Variants in TENM2 observed in about 807,000 individuals in gnomAD.
The protein encoded by TENM2 is teneurin transmembrane protein 2.
TENM2 carries 52 observed loss-of-function variants against 245.2 expected under a neutral mutation model. The ratio of observed to expected loss-of-function variants is 0.21; its 90% CI spans 0.17 to 0.27. The LOEUF is 0.27. TENM2 is among the 10% of genes least tolerant of loss of function. The probability of loss-of-function intolerance (pLI) is 1.00; values close to 1 mark genes in which losing one functional copy is unlikely to be tolerated. For missense variants in TENM2, 3,046 were observed against 3,666.8 expected, an observed-to-expected ratio of 0.83 and a Z score of 4.37; for synonymous variants, 1,363 against 1,438.9, an observed-to-expected ratio of 0.95 and a Z score of 1.19.
chr5:167,463,820 G>A (rs984585417), intron 2 of TENM2, among the ~76,000 whole-genome samples: 2 of 152,176 alleles, frequency 1.3e-5, no homozygotes, highest in Admixed American at 1.3e-4. Flanking sequence ...TTATACATGG[G>A]ATATTAGTTT....
At chr5:167,778,833 A>G (rs1561771750) in intron 2 of TENM2, among the ~76,000 whole-genome samples, 1 of 152,224 alleles carries the variant, frequency 6.6e-6, no homozygotes, top group Non-Finnish European at 1.5e-5. Flanking sequence ...GTGTGACTGC[A>G]CAAGATTTAG....
chr5:167,770,230 G>C (rs1561761316), intron 2 of TENM2, among the ~76,000 whole-genome samples: 1 of 152,168 alleles, frequency 6.6e-6, no homozygotes, highest in Non-Finnish European at 1.5e-5. Context: ...ATGTAGTCGT[G>C]GGAATCAATT....
intron 12 of TENM2, among the ~76,000 whole-genome samples, chr5:168,139,066 A>G (rs368859900): frequency 2.1e-4 from 32 of 152,344 alleles, no homozygotes; most frequent in African/African-American, 7.7e-4. Context: ...TCCTTGCTCA[A>G]GCTTCCCAAG....
chr5:167,593,735 T>C (rs1408506990), intron 2 of TENM2, among the ~76,000 whole-genome samples: 1 of 152,244 alleles, frequency 6.6e-6, no homozygotes, highest in Non-Finnish European at 1.5e-5. Flanking sequence ...TTAATAGAAA[T>C]ACTCCTGAAA....
rs147410951 is a variant in TENM2, at chr5:167,393,100, C to T, written c.502+17627C>T. Among the ~76,000 whole-genome samples the T allele has an allele frequency of 2.6e-3, 381 of 144,408 alleles. 2 individuals carry two copies. The highest frequency in any genetic ancestry group is 9.0e-3 in the African/African-American group (348 of 38,742). 94.7% of individuals were successfully genotyped at this position (144,408 alleles called of 152,430 possible). ...TCATGCTACTGCACTCCAGCATGGGCGACAGAGCAAGACTCCATCTCGGGG... is the reference window on the plus strand; with the variant it reads ...TCATGCTACTGCACTCCAGCATGGGTGACAGAGCAAGACTCCATCTCGGGG... On this transcript the variant is annotated intron_variant, in intron 2 of 28. Transcript: ENST00000518659.
At chr5:167,921,036 T>G (rs1777328208) in intron 3 of TENM2, among the ~76,000 whole-genome samples, 1 of 152,236 alleles carries the variant, frequency 6.6e-6, no homozygotes, top group Non-Finnish European at 1.5e-5. Flanking sequence ...ATGAAATTAC[T>G]GCAAATCTCA....
intron 2 of TENM2, among the ~76,000 whole-genome samples, chr5:167,386,309 A>G (rs181464592): frequency 6.6e-6 from 1 of 152,172 alleles, no homozygotes; most frequent in Non-Finnish European, 1.5e-5. Flanking sequence ...CCATTTGTAT[A>G]TCTTCTTTTG....
At chr5:168,105,805 G>A (rs991508472) in intron 9 of TENM2, among the ~76,000 whole-genome samples, 2 of 152,008 alleles carry the variant, frequency 1.3e-5, no homozygotes, top group South Asian at 2.1e-4. Flanking sequence ...TTTATTCTAC[G>A]GTTTTTTGTT....
intron 2 of TENM2, among the ~76,000 whole-genome samples, chr5:167,842,190 T>C (rs1479609421): frequency 6.6e-6 from 1 of 152,058 alleles, no homozygotes; most frequent in Non-Finnish European, 1.5e-5. Flanking sequence ...TTCGGCCTCA[T>C]GGACACTAGA....
At chr5:167,880,195 G>T (rs1022980455) in intron 3 of TENM2, among the ~76,000 whole-genome samples, 2 of 151,988 alleles carry the variant, frequency 1.3e-5, no homozygotes, top group Non-Finnish European at 2.9e-5. Flanking sequence ...ACCATACTTG[G>T]CTAATTTTTG....
the TENM2 span, among the ~76,000 whole-genome samples, chr5:167,212,052 A>G: frequency 4.6e-3 from 708 of 152,304 alleles, 7 homozygotes; most frequent in African/African-American, 0.015. Context: ...TCATAGTTTC[A>G]GACATTGGTG....
At chr5:168,253,227 AAAGTGC>A (rs1767293807) in intron 27 of TENM2, among the ~76,000 whole-genome samples, 1 of 151,966 alleles carries the variant, frequency 6.6e-6, no homozygotes, top group East Asian at 1.9e-4. Context: ...TCGGCCTCCC[AAAGTGC>A]TGGGATTACA....
chr5:167,613,995 TAATA>T (rs958703472), intron 2 of TENM2, among the ~76,000 whole-genome samples: 1 of 152,176 alleles, frequency 6.6e-6, no homozygotes. Flanking sequence ...CAGATTTTTA[TAATA>T]AATCAGAATT....
At chr5:167,107,452 A>T in the TENM2 span, among the ~76,000 whole-genome samples, 1 of 152,226 alleles carries the variant, frequency 6.6e-6, no homozygotes, top group South Asian at 2.1e-4. Flanking sequence ...TCCAGGAGAG[A>T]TGCTAGAGAA....
At chr5:167,329,451 C>T (rs1378614281) in intron 1 of TENM2, among the ~76,000 whole-genome samples, 1 of 143,926 alleles carries the variant, frequency 6.9e-6, no homozygotes, top group Non-Finnish European at 1.5e-5. Context: ...ACCCGGGAGG[C>T]TGAGGCAGGA....
chr5:167,591,168 G>T (rs1775853756), intron 2 of TENM2, among the ~76,000 whole-genome samples: 1 of 152,114 alleles, frequency 6.6e-6, no homozygotes, highest in Non-Finnish European at 1.5e-5. Context: ...CAAAGAAAGG[G>T]TTCCTTGGTG....
At chr5:167,095,440 A>T in the TENM2 span, among the ~76,000 whole-genome samples, 1 of 152,146 alleles carries the variant, frequency 6.6e-6, no homozygotes, top group Non-Finnish European at 1.5e-5. Flanking sequence ...ACTTGAGGTG[A>T]CAACGGAAAT....
chr5:167,931,549 T>TA (rs1329241118), intron 3 of TENM2, among the ~76,000 whole-genome samples: 16,422 of 90,656 alleles, frequency 0.18, 1,233 homozygotes, highest in Middle Eastern at 0.23. Context: ...ATAAACCCAT[T>TA]GGAAAAAAAA....
chr5:168,181,219 T>C lies in TENM2; in HGVS notation c.2570-9118T>C, dbSNP rs558466300. Among the ~76,000 whole-genome samples the C allele has an allele frequency of 2.0e-5, 3 of 152,388 alleles. No homozygotes were observed. The East Asian group carries it at 5.8e-4, about 29-fold the overall frequency. On this transcript the variant is annotated intron_variant, in intron 13 of 28. Transcript: ENST00000518659. ...GAAGCATTGGTTTAAAAGGTTTTGT[T>C]GATGGCATTTGTTTTTGGTTTTTGT...
Sources: allele counts gnomAD v4.1 joint callset (sites outside exome capture counted in the v4.1 genomes callset), GRCh38; gene constraint gnomAD v4.1.1; transcripts MANE v1.5; gene names NCBI Gene and HGNC (gene_info 2026-07-23, HGNC 2026-07-21).